Variants in PKHD1 observed in about 807,000 individuals in gnomAD.
PKHD1 encodes the protein PKHD1 ciliary IPT domain containing fibrocystin/polyductin.
PKHD1 carries 291 observed loss-of-function variants against 412.0 expected under a neutral mutation model. The observed-to-expected ratio is 0.71, with a 90% CI of 0.64 to 0.78. PKHD1 has a LOEUF of 0.78. PKHD1 is among the 30% of genes least tolerant of loss of function. The pLI is 0.00. For synonymous variants in PKHD1, 1,777 were observed against 1,821.5 expected (o/e 0.98, Z 0.62); for missense variants, 4,825 against 4,950.7 (o/e 0.97, Z 0.76).
At chr6:51,756,993 T>C (rs1183828377) in intron 55 of PKHD1, among the ~76,000 whole-genome samples, 4 of 152,044 alleles carry the variant, frequency 2.6e-5, no homozygotes, top group Admixed American at 1.3e-4. Context: ...ACATACACAG[T>C]TCACAATAGA....
intron 5 of PKHD1, among the ~76,000 whole-genome samples, chr6:52,079,203 C>A (rs1228397453): frequency 6.6e-6 from 1 of 152,140 alleles, no homozygotes; most frequent in Non-Finnish European, 1.5e-5. Flanking sequence ...ACAGACTGAA[C>A]CAAATATAAA....
intron 15 of PKHD1, among the ~76,000 whole-genome samples, chr6:52,058,899 A>G (rs1369794799): frequency 6.6e-6 from 1 of 152,184 alleles, no homozygotes; most frequent in East Asian, 1.9e-4. Flanking sequence ...ACATGACACT[A>G]TGGAGAAGGT....
chr6:51,632,010 G>A (rs927503431), intron 65 of PKHD1, among the ~76,000 whole-genome samples: 3 of 147,988 alleles, frequency 2.0e-5, no homozygotes, highest in South Asian at 2.1e-4. Flanking sequence ...GCGCAATCTC[G>A]GCTCACTGCA....
intron 52 of PKHD1, among the ~76,000 whole-genome samples, chr6:51,814,924 G>A (rs563229971): frequency 1.3e-5 from 2 of 152,292 alleles, no homozygotes; most frequent in Admixed American, 6.5e-5. Flanking sequence ...CTGGCCCAGG[G>A]ATTCTAAATA....
chr6:52,006,596 C>G (rs113472379), intron 35 of PKHD1, among the ~76,000 whole-genome samples: 2 of 152,046 alleles, frequency 1.3e-5, no homozygotes, highest in African/African-American at 2.4e-5. Flanking sequence ...AGGCTTGTCT[C>G]GAACTCCTGA....
intron 36 of PKHD1, among the ~76,000 whole-genome samples, chr6:51,940,662 C>T (rs1788352631): frequency 6.6e-6 from 1 of 151,744 alleles, no homozygotes; most frequent in South Asian, 2.1e-4. Flanking sequence ...AAGACTGATA[C>T]TGCCCGATTG....
chr6:52,007,866 C>T (rs531820169), intron 35 of PKHD1, among the ~76,000 whole-genome samples: 5 of 151,808 alleles, frequency 3.3e-5, no homozygotes, highest in African/African-American at 7.3e-5. Flanking sequence ...CCAGTCGATG[C>T]GACAGGACGT....
At chr6:51,752,937 G>A (rs1401123861) in intron 57 of PKHD1, among the ~76,000 whole-genome samples, 1 of 152,158 alleles carries the variant, frequency 6.6e-6, no homozygotes, top group Non-Finnish European at 1.5e-5. Context: ...TAATTTCAAA[G>A]CAGTGGAAAT....
chr6:51,784,757 G>A (rs994907848), intron 53 of PKHD1, among the ~76,000 whole-genome samples: 5 of 151,982 alleles, frequency 3.3e-5, no homozygotes, highest in Non-Finnish European at 5.9e-5. Context: ...TCTGCCTCAC[G>A]ACTACCACAC....
chr6:51,887,572 TAGTA>T (rs1778421363), intron 43 of PKHD1, among the ~76,000 whole-genome samples: 3 of 152,260 alleles, frequency 2.0e-5, no homozygotes, highest in South Asian at 2.1e-4. Flanking sequence ...GTCCTCACCA[TAGTA>T]AGTGAGTTCT....
chr6:52,018,448 G>A (rs1207897061), intron 33 of PKHD1, among the ~76,000 whole-genome samples: 1 of 152,078 alleles, frequency 6.6e-6, no homozygotes, highest in Non-Finnish European at 1.5e-5. Context: ...TTGCCAATCA[G>A]GTGTGTAAAA....
intron 37 of PKHD1, among the ~76,000 whole-genome samples, chr6:51,931,242 GCT>G (rs575390880): frequency 3.6e-4 from 55 of 152,142 alleles, no homozygotes; most frequent in Admixed American, 2.4e-3. Flanking sequence ...CTCCCAAAAG[GCT>G]CTTCTGTGCG....
intron 60 of PKHD1, among the ~76,000 whole-genome samples, chr6:51,728,210 C>T (rs962984236): frequency 1.5e-4 from 23 of 152,126 alleles, no homozygotes; most frequent in African/African-American, 5.3e-4. Context: ...GAACCCACTC[C>T]CAGATGATGA....
At chr6:51,676,590 C>T (rs1775892128) in intron 60 of PKHD1, among the ~76,000 whole-genome samples, 2 of 147,582 alleles carry the variant, frequency 1.4e-5, no homozygotes, top group Admixed American at 1.5e-4. Flanking sequence ...TTGTGGCAAA[C>T]AACATTTATA....
chr6:51,619,343 G>A lies in PKHD1; in HGVS notation c.11963C>T (p.Ala3988Val). 2.5e-6 allele frequency: 4 copies of A among 1,614,240 alleles called. No homozygotes were observed. Among genetic ancestry groups the A allele is most frequent in the Middle Eastern group, 1.7e-4 (1 of 6,060 alleles). ...HGHICAPGAP[A>V]QQVYLQETGN... is the part of the protein sequence containing the mutation. ...AGTCTCTTGCAGGTACACCTGCTGAGCAGGAGCACCTGGAGCACAGATGTG... is the reference window on the plus strand; with the variant it reads ...AGTCTCTTGCAGGTACACCTGCTGAACAGGAGCACCTGGAGCACAGATGTG... The change falls in exon 67 of 67, where the codon GCT becomes GTT. Residue 3988 changes from alanine (A) to valine (V), a missense_variant. By Grantham distance (64) the Ala-to-Val change is moderately conservative. Coordinates refer to ENST00000371117, the MANE Select transcript of PKHD1 (RefSeq NM_138694.4).
At position 52,065,027 on chromosome 6, in the gene PKHD1, C is replaced by A. The variant is rs779418460; in HGVS notation, c.904G>T (p.Val302Leu). 4 of 1,595,064 alleles carry A rather than the reference C, an allele frequency of 2.5e-6. No homozygotes were observed. The South Asian group carries it at 4.4e-5, about 18-fold the overall frequency. ...GTGCACTCAATCTTCCTGGGAGACA[C>A]GTGTCTAATATCACATGGAATGCCT... The part of the protein sequence containing the change: ...IAGIPCDIRH[V>L]SPRKIECTTR... The change falls in exon 13 of 67, where the codon GTG becomes TTG. Residue 302 changes from valine (V) to leucine (L), a missense_variant. By Grantham distance (32) the Val-to-Leu change is conservative. Coordinates refer to ENST00000371117, the MANE Select transcript of PKHD1 (RefSeq NM_138694.4).
chr6:51,721,307 T>C (rs1781895864), intron 60 of PKHD1: 12 of 841,026 alleles, frequency 1.4e-5, no homozygotes, highest in Non-Finnish European at 1.7e-5. Flanking sequence ...CCAATATTAT[T>C]AACAATAACC....
At chr6:51,756,005 AGATG>A (rs1462230937) in intron 55 of PKHD1, among the ~76,000 whole-genome samples, 1 of 152,188 alleles carries the variant, frequency 6.6e-6, no homozygotes, top group Non-Finnish European at 1.5e-5. Context: ...TTAATAATAC[AGATG>A]TTTAATATAT....
At chr6:51,929,756 A>G (rs1425688552) in intron 37 of PKHD1, among the ~76,000 whole-genome samples, 2 of 152,218 alleles carry the variant, frequency 1.3e-5, no homozygotes, top group Non-Finnish European at 2.9e-5. Flanking sequence ...ATTTATTCCT[A>G]CCAAATTCTT....
Sources: gnomAD v4.1 joint callset for allele counts (sites outside exome capture counted in the v4.1 genomes callset) on GRCh38, gnomAD v4.1.1 for gene constraint, MANE v1.5 for transcripts, NCBI Gene and HGNC (gene_info 2026-07-23, HGNC 2026-07-21) for gene names.